TMEM154: variants seen among roughly 807,000 people sequenced by gnomAD.
The protein encoded by TMEM154 is transmembrane protein 154.
A neutral mutation model predicts 24.5 loss-of-function variants in TMEM154; 27 were observed. The observed-to-expected ratio is 1.10, with a 90% confidence interval of 0.81 to 1.52. The LOEUF (loss-of-function observed/expected upper bound fraction) is 1.52. Ranked by LOEUF, TMEM154 falls within the 40% of genes most tolerant of loss-of-function variation. The pLI, the probability that TMEM154 is intolerant of heterozygous loss-of-function variation, is 0.00. For missense variants in TMEM154, 228 were observed against 213.4 expected, an observed-to-expected ratio of 1.07 and a Z score of -0.43; for synonymous variants, 67 against 76.8, an observed-to-expected ratio of 0.87 and a Z score of 0.67.
chr4:152,631,260 A>G (rs1314577756), intron 6 of TMEM154, among the ~76,000 whole-genome samples: 1 of 152,114 alleles, frequency 6.6e-6, no homozygotes, highest in African/African-American at 2.4e-5. Flanking sequence ...TCCAACATTG[A>G]ATATTATTAT....
At chr4:152,652,041 G>T (rs1164429552) in intron 3 of TMEM154, among the ~76,000 whole-genome samples, 1 of 152,202 alleles carries the variant, frequency 6.6e-6, no homozygotes, top group Non-Finnish European at 1.5e-5. Flanking sequence ...TATCAATTAA[G>T]TTCACTGTCT....
chr4:152,671,825 G>C, intron 1 of TMEM154, among the ~76,000 whole-genome samples: 1 of 149,846 alleles, frequency 6.7e-6, no homozygotes. Context: ...AGGGAGCAAA[G>C]AATGAGTATT....
chr4:152,679,978 C>A lies in TMEM154; in HGVS notation c.-45G>T, dbSNP rs1729032074. On this transcript the variant is annotated 5_prime_UTR_variant, in exon 1 of 7. Coordinates refer to ENST00000304385, the MANE Select transcript of TMEM154 (RefSeq NM_152680.3). ...GGCGCGCTCAGGATGCTGCGCCGGG[C>A]TGCAGCCTCTCTGAAACGTGAACAT... 2 of 1,549,512 alleles carry A rather than the reference C, an allele frequency of 1.3e-6. No individual in the cohort carries two copies. Among genetic ancestry groups the A allele is most frequent in the Non-Finnish European group, 1.8e-6 (2 of 1,134,928 alleles).
rs13142541 is a variant in TMEM154, at chr4:152,619,003, T to C, written c.*9543A>G. 2,462 of 152,320 alleles carry C rather than the reference T, an allele frequency of 0.016. 21 individuals carry two copies. Among genetic ancestry groups the C allele is most frequent in the East Asian group, 0.034 (175 of 5,180 alleles). 9.4% of individuals were successfully genotyped at this position (152,320 alleles called of 1,614,324 possible). On this transcript the variant is annotated 3_prime_UTR_variant, in exon 7 of 7. Transcript: ENST00000304385. ...TTAAGGAAAGATGATATGTAACTCC[T>C]AGCTCATTAAATAATTGGTTTTTCT...
In TMEM154 at chr4:152,621,876, C is replaced by G. The variant is rs887661624; in HGVS notation, c.*6670G>C. The stretch of plus-strand genomic sequence containing the variant: ...TGTCACCCAGCCTGCAGTGCAGTGG[C>G]TCAGTCTTGGCACTCACTGCAAACC... On this transcript the variant is annotated 3_prime_UTR_variant, in exon 7 of 7. Coordinates refer to ENST00000304385, the MANE Select transcript of TMEM154 (RefSeq NM_152680.3). 2 of 151,654 alleles carry G rather than the reference C, an allele frequency of 1.3e-5. No individual in the cohort carries two copies. Among genetic ancestry groups the G allele is most frequent in the Non-Finnish European group, 2.9e-5 (2 of 67,956 alleles). 9.4% of individuals were successfully genotyped at this position (151,654 alleles called of 1,614,324 possible).
intron 6 of TMEM154, among the ~76,000 whole-genome samples, chr4:152,637,617 TAGA>T (rs977282899): frequency 1.3e-5 from 2 of 152,148 alleles, no homozygotes; most frequent in Admixed American, 1.3e-4. Flanking sequence ...CCTGTGAAAC[TAGA>T]AGGACAGATG....
intron 3 of TMEM154, among the ~76,000 whole-genome samples, chr4:152,651,916 T>C (rs1318771160): frequency 6.6e-6 from 1 of 152,148 alleles, no homozygotes; most frequent in Non-Finnish European, 1.5e-5. Flanking sequence ...CATTGTAGGG[T>C]TATGAATTGG....
In TMEM154 at chr4:152,618,858, T is replaced by C. The variant is rs2406376; in HGVS notation, c.*9688A>G. On this transcript the variant is annotated 3_prime_UTR_variant, in exon 7 of 7. Coordinates refer to ENST00000304385, the MANE Select transcript of TMEM154 (RefSeq NM_152680.3). ...AGATAAAGAATGACATCAGGATCCA[T>C]TAGATGGAAAGTGAGGAAAATGCAA... 1 of 152,132 alleles carries C rather than the reference T, an allele frequency of 6.6e-6. No homozygotes were observed. The highest frequency in any genetic ancestry group is 2.1e-4 in the South Asian group (1 of 4,822). 9.4% of individuals were successfully genotyped at this position (152,132 alleles called of 1,614,324 possible).
chr4:152,667,411 C>A (rs968151351), intron 1 of TMEM154, among the ~76,000 whole-genome samples: 5 of 148,596 alleles, frequency 3.4e-5, no homozygotes, highest in Admixed American at 3.3e-4. Flanking sequence ...AATGAGACTT[C>A]ATGTTTATAG....
rs1751894482 is a variant in TMEM154 at position 152,625,050 on chromosome 4, G to A, written c.*3496C>T. On this transcript the variant is annotated 3_prime_UTR_variant, in exon 7 of 7. Transcript: ENST00000304385. Reference sequence around the variant, plus strand: ...TTCAGAATTGGTACTAATTCTGACAGAAGCTGAAACTAAAGCCTATGTTTT... The same window carrying A: ...TTCAGAATTGGTACTAATTCTGACAAAAGCTGAAACTAAAGCCTATGTTTT... 1 of 152,236 alleles carries A rather than the reference G, an allele frequency of 6.6e-6. No homozygotes were observed. Among genetic ancestry groups the A allele is most frequent in the Non-Finnish European group, 1.5e-5 (1 of 68,034 alleles). The allele number at this position is 152,236 out of a possible 1,614,324, so 9.4% of individuals were successfully genotyped here. A position where few individuals can be genotyped will look rare whatever the true frequency, so the allele number is the denominator to read the frequency against.
intron 3 of TMEM154, among the ~76,000 whole-genome samples, chr4:152,650,384 A>C (rs559736750): frequency 1.4e-3 from 209 of 152,260 alleles, no homozygotes; most frequent in Non-Finnish European, 2.6e-3. Flanking sequence ...AAAAAAAACA[A>C]AACTCTTTGT....
intron 1 of TMEM154, among the ~76,000 whole-genome samples, chr4:152,671,008 T>C (rs1728823909): frequency 6.6e-6 from 1 of 152,200 alleles, no homozygotes; most frequent in Non-Finnish European, 1.5e-5. Context: ...CAAAGTCTCA[T>C]GAGTACATGG....
rs1751919874 is a variant in TMEM154, at chr4:152,626,300, G to GTT, written c.*2245_*2246insAA. 6.6e-6 allele frequency: 1 copy of GTT among 152,210 alleles called. No homozygotes were observed. Among genetic ancestry groups the GTT allele is most frequent in the Non-Finnish European group, 1.5e-5 (1 of 67,924 alleles). The allele number at this position is 152,210 out of a possible 1,614,324, so 9.4% of individuals were successfully genotyped here. A position where few individuals can be genotyped will look rare whatever the true frequency, so the allele number is the denominator to read the frequency against. ...AGGGCAAATTAGTGAGGGTTTTTTTGGTTTTTGTTTTGTTTTTTTAACAAT... is the reference window on the plus strand; with the variant it reads ...AGGGCAAATTAGTGAGGGTTTTTTTGTTGTTTTTGTTTTGTTTTTTTAACAAT... On this transcript the variant is annotated 3_prime_UTR_variant, in exon 7 of 7. Transcript: ENST00000304385.
chr4:152,650,806 C>T (rs1381006570), intron 3 of TMEM154, among the ~76,000 whole-genome samples: 3 of 152,172 alleles, frequency 2.0e-5, no homozygotes, highest in Admixed American at 6.5e-5. Flanking sequence ...ATTGTATCAG[C>T]AGGCATGAAA....
chr4:152,637,653 T>A (rs373828103), intron 6 of TMEM154, among the ~76,000 whole-genome samples: 1 of 152,216 alleles, frequency 6.6e-6, no homozygotes. Flanking sequence ...TTTTTCAAGA[T>A]GAAGAAATTA....
At chr4:152,662,097 G>A (rs778119570) in intron 1 of TMEM154, among the ~76,000 whole-genome samples, 7 of 152,122 alleles carry the variant, frequency 4.6e-5, no homozygotes, top group Non-Finnish European at 1.0e-4. Context: ...TTTAGGTTCT[G>A]TTGTGTTTCC....
At chr4:152,639,944 T>C (rs1752225348) in intron 6 of TMEM154, among the ~76,000 whole-genome samples, 1 of 151,916 alleles carries the variant, frequency 6.6e-6, no homozygotes, top group Non-Finnish European at 1.5e-5. Context: ...TGAGGAGAGA[T>C]TTGGGATGGT....
chr4:152,628,493 A>C lies in TMEM154; in HGVS notation c.*53T>G. On this transcript the variant is annotated 3_prime_UTR_variant, in exon 7 of 7. Transcript: ENST00000304385. ...CTCTTCATCCTCTGTTGGCAGCCTC[A>C]GCAGACTCCCTCAGGGGCTGCTTCT... The C allele has an allele frequency of 6.9e-7, 1 of 1,452,570 alleles. No individual in the cohort carries two copies. The highest frequency in any genetic ancestry group is 9.2e-7 in the Non-Finnish European group (1 of 1,081,316). 90.0% of individuals were successfully genotyped at this position (1,452,570 alleles called of 1,614,324 possible).
chr4:152,671,709 T>C (rs1728841312), intron 1 of TMEM154, among the ~76,000 whole-genome samples: 1 of 110,484 alleles, frequency 9.1e-6, no homozygotes, highest in Non-Finnish European at 1.7e-5. Flanking sequence ...ATCCCGCCAC[T>C]GCACTCCAGC....
Sources: gnomAD v4.1 joint callset for allele counts (sites outside exome capture counted in the v4.1 genomes callset) on GRCh38, gnomAD v4.1.1 for gene constraint, MANE v1.5 for transcripts, NCBI Gene and HGNC (gene_info 2026-07-23, HGNC 2026-07-21) for gene names.